The following ICE2 variants were observed in gnomAD, a reference collection of about 807,000 sequenced individuals.
ICE2 encodes the protein interactor of little elongation complex ELL subunit 2.
ICE2 carries 87 observed loss-of-function variants against 105.4 expected under a neutral mutation model. The observed-to-expected ratio is 0.83, with a 90% CI of 0.69 to 0.99. The LOEUF (loss-of-function observed/expected upper bound fraction) is 0.99. Ranked by LOEUF, ICE2 falls within the 50% of genes least tolerant of loss-of-function variation. The pLI is 0.00. For synonymous variants in ICE2, 399 were observed against 392.0 expected, an observed-to-expected ratio of 1.02 and a Z score of -0.21; for missense variants, 1,323 against 1,146.7, an observed-to-expected ratio of 1.15 and a Z score of -2.22.
At chr15:60,432,362 G>A (rs1035363156) in intron 13 of ICE2, among the ~76,000 whole-genome samples, 1 of 151,210 alleles carries the variant, frequency 6.6e-6, no homozygotes, top group East Asian at 2.0e-4. Context: ...TGATTTTTTT[G>A]TATTTTTGGT....
rs191924084 is a variant in ICE2, at chr15:60,428,058, A to C, written c.2820+371T>G. Reference sequence around the variant, plus strand: ...AATTTTATTACATGTACTCTTCCGCAAATTGCCTAAAATACTTAATGAAAT... The same window carrying C: ...AATTTTATTACATGTACTCTTCCGCCAATTGCCTAAAATACTTAATGAAAT... On this transcript the variant is annotated intron_variant, in intron 15 of 15. Transcript: ENST00000261520. 6.6e-5 allele frequency among the ~76,000 whole-genome samples: 10 copies of C among 152,324 alleles called. No individual in the cohort carries two copies. The East Asian group carries it at 1.9e-3, about 29-fold the overall frequency.
rs2063860567 is a variant in ICE2, at chr15:60,447,961, AC to A, written c.2295+8del. ...TGATCATATTCTAACTCCGCAAATA[AC>A]AACTTACTCTTCTGATTTTCTTCCG... On this transcript the variant is annotated splice_region_variant and intron_variant, in intron 11 of 15. Transcript: ENST00000261520. 1 of 1,602,536 alleles carries A rather than the reference AC, an allele frequency of 6.2e-7. No individual in the cohort carries two copies. The highest frequency in any genetic ancestry group is 8.5e-7 in the Non-Finnish European group (1 of 1,174,548).
chr15:60,468,285 C>T lies in ICE2; in HGVS notation c.184G>A (p.Val62Ile), dbSNP rs749727336. Residue 62 changes from valine to isoleucine, a missense_variant, in exon 4 of 16, where the codon GTA (valine) becomes ATA (isoleucine). Coordinates refer to ENST00000261520, the MANE Select transcript of ICE2 (RefSeq NM_024611.6). ...GAACTAACTGCCGGCTCATTTTCTA[C>T]AGAACTTGCTGAGGCATTCAAATTT... The part of the protein sequence containing the change: ...GENLNASASS[V>I]ENEPAVSSAT... 4 of 1,612,288 alleles carry T rather than the reference C, an allele frequency of 2.5e-6. No homozygotes were observed. The highest frequency in any genetic ancestry group is 3.4e-6 in the Non-Finnish European group (4 of 1,178,500).
chr15:60,432,930 T>C (rs1462007006), intron 13 of ICE2, among the ~76,000 whole-genome samples: 3 of 151,884 alleles, frequency 2.0e-5, no homozygotes, highest in Non-Finnish European at 2.9e-5. Flanking sequence ...ACAAACAAAA[T>C]GCTAAGAGGT....
chr15:60,432,181 C>CTTTTTTTTTTTTTTTTTTTTTTTT (rs35081421), intron 13 of ICE2, among the ~76,000 whole-genome samples, 197 bp from the exon 14 acceptor site: 1 of 110,646 alleles, frequency 9.0e-6, no homozygotes. Context: ...AAAAAATTTC[C>CTTTTTTTTTTTTTTTTTTTTTTTT]TTTTTTTTTT....
At chr15:60,452,831 T>C in intron 9 of ICE2, 1 of 981,782 alleles carries the variant, frequency 1.0e-6, no homozygotes, top group Non-Finnish European at 1.2e-6. Flanking sequence ...TTATGTAATC[T>C]GCCCGAGGTC....
intron 5 of ICE2, among the ~76,000 whole-genome samples, chr15:60,459,453 G>T (rs1246025963): frequency 6.6e-6 from 1 of 152,088 alleles, no homozygotes; most frequent in African/African-American, 2.4e-5. Flanking sequence ...AGAGATAAAA[G>T]ATTTCCAAAT....
At chr15:60,451,961 T>C (rs2063977199) in intron 9 of ICE2, 1 of 460,794 alleles carries the variant, frequency 2.2e-6, no homozygotes, top group Admixed American at 6.4e-5. Context: ...TTTTTGATAC[T>C]TCTAAGAAAG....
intron 14 of ICE2, among the ~76,000 whole-genome samples, chr15:60,430,526 T>G (rs112989948): frequency 3.3e-5 from 5 of 152,282 alleles, no homozygotes; most frequent in African/African-American, 7.2e-5. Context: ...AAAAAACATC[T>G]GGCAAATTTC....
At chr15:60,456,590 C>A in intron 6 of ICE2, 67 bp downstream of exon 6, 1 of 343,468 alleles carries the variant, frequency 2.9e-6, no homozygotes. Context: ...TATATACACA[C>A]ACACACACAC....
At chr15:60,447,843 A>G (rs1168892942) in intron 11 of ICE2, 127 bp downstream of exon 11, 1 of 789,386 alleles carries the variant, frequency 1.3e-6, no homozygotes, top group Non-Finnish European at 2.0e-6. Flanking sequence ...ACAAAAAACA[A>G]AAAACAAAAC....
chr15:60,453,638 T>C lies in ICE2; in HGVS notation c.1090A>G (p.Met364Val), dbSNP rs905553050. The change falls in exon 9 of 16, where the codon ATG (methionine) becomes GTG (valine). Residue 364 changes from methionine to valine, a missense_variant. Transcript: ENST00000261520. The stretch of plus-strand genomic sequence containing the variant: ...GATATAAACTCTTCAGGTTTGTCCA[T>C]AAAGACTGCAGAGACTGGAACAGAT... ...NTSVPVSAVF[M>V]DKPEEFISEM... 1.2e-6 allele frequency: 2 copies of C among 1,613,390 alleles called. No homozygotes were observed. Among genetic ancestry groups the C allele is most frequent in the African/African-American group, 1.3e-5 (1 of 74,920 alleles).
chr15:60,458,479 A>G (rs995826371), intron 5 of ICE2, among the ~76,000 whole-genome samples: 1 of 152,194 alleles, frequency 6.6e-6, no homozygotes, highest in African/African-American at 2.4e-5. Context: ...CCATAAATCA[A>G]CACATAGAGG....
At chr15:60,432,770 T>C (rs143540540) in intron 13 of ICE2, among the ~76,000 whole-genome samples, 3,747 of 151,728 alleles carry the variant, frequency 0.025, 135 homozygotes, top group African/African-American at 0.081. Flanking sequence ...CGGGCATCTG[T>C]AGTCCCAGCT....
rs905872266 is a variant in ICE2 at position 60,421,316 on chromosome 15, A to G, written c.*2318T>C. ...CTGCAGCCTCAAACTCCTAGACTCA[A>G]GCGATCCTCCCACCTCAGCTTCCCA... On this transcript the variant is annotated 3_prime_UTR_variant, in exon 16 of 16. Transcript: ENST00000261520. The G allele has an allele frequency of 3.3e-5, 5 of 152,212 alleles. No homozygotes were observed. Among genetic ancestry groups the G allele is most frequent in the Non-Finnish European group, 7.3e-5 (5 of 68,068 alleles). 9.4% of individuals were successfully genotyped at this position (152,212 alleles called of 1,614,324 possible). A position where few individuals can be genotyped will look rare whatever the true frequency, so the allele number is the denominator to read the frequency against.
rs763496983 is a variant in ICE2, at chr15:60,449,835, A to G, written c.1132T>C (p.Cys378Arg). 1 of 1,608,484 alleles carries G rather than the reference A, an allele frequency of 6.2e-7. No homozygotes were observed. The highest frequency in any genetic ancestry group is 2.2e-5 in the East Asian group (1 of 44,874). ...EEFISEMDMS[C>R]EVNECRKIES... ...ATTTTTCGGCACTCGTTGACTTCAC[A>G]GGACATCTTATGTAAATAAATTGGT... is the stretch of plus-strand genomic sequence containing the variant. The change falls in exon 10 of 16, where the codon TGT becomes CGT. Residue 378 changes from cysteine to arginine, a missense_variant. Physicochemically the swap from Cys to Arg is radical, Grantham distance 180. Coordinates refer to ENST00000261520, the MANE Select transcript of ICE2 (RefSeq NM_024611.6).
chr15:60,445,333 A>G (rs1286960842), intron 11 of ICE2, among the ~76,000 whole-genome samples: 1 of 152,154 alleles, frequency 6.6e-6, no homozygotes, highest in Non-Finnish European at 1.5e-5. Flanking sequence ...CTTAGTCAAC[A>G]ATATCACCCC....
At chr15:60,426,330 G>A (rs777867400) in intron 15 of ICE2, among the ~76,000 whole-genome samples, 5 of 152,120 alleles carry the variant, frequency 3.3e-5, no homozygotes, top group Admixed American at 1.3e-4. Context: ...TATTACAACG[G>A]CATACAGTAT....
At chr15:60,435,049 G>A (rs750895369) in intron 13 of ICE2, among the ~76,000 whole-genome samples, 21 of 152,044 alleles carry the variant, frequency 1.4e-4, no homozygotes, top group Non-Finnish European at 2.1e-4. Context: ...TTGGGAGGCC[G>A]AGGCGGGTGG....
Sources: allele counts gnomAD v4.1 joint callset (sites outside exome capture counted in the v4.1 genomes callset), GRCh38; gene constraint gnomAD v4.1.1; transcripts MANE v1.5; gene names NCBI Gene and HGNC (gene_info 2026-07-23, HGNC 2026-07-21).